Variants in SLC66A2 observed in about 807,000 individuals in gnomAD.
SLC66A2 encodes solute carrier family 66 member 2, also known as PQ loop repeat containing 1.
A neutral mutation model predicts 25.5 loss-of-function variants in SLC66A2; 23 were observed. That is an observed-to-expected ratio of 0.90 (90% CI 0.65 to 1.28). The LOEUF (loss-of-function observed/expected upper bound fraction) is 1.28. Ranked by LOEUF, SLC66A2 falls within the 50% of genes most tolerant of loss-of-function variation. The probability of loss-of-function intolerance (pLI) is 0.00; values close to 1 mark genes in which losing one functional copy is unlikely to be tolerated. For missense variants in SLC66A2, 396 were observed against 373.1 expected (o/e 1.06, Z -0.51); for synonymous variants, 193 against 166.5 (o/e 1.16, Z -1.23).
At chr18:79,913,698 C>T (rs558562655) in intron 5 of SLC66A2, among the ~76,000 whole-genome samples, 2 of 152,188 alleles carry the variant, frequency 1.3e-5, no homozygotes, top group African/African-American at 4.8e-5. Flanking sequence ...AGGGCTGCTA[C>T]GAGATCAACT....
intron 4 of SLC66A2, among the ~76,000 whole-genome samples, chr18:79,928,930 T>C (rs1423438706): frequency 6.6e-6 from 1 of 152,070 alleles, no homozygotes; most frequent in Non-Finnish European, 1.5e-5. Flanking sequence ...ACAACTCACT[T>C]CCCATGCAGC....
chr18:79,930,628 T>C (rs1457630774), intron 4 of SLC66A2, among the ~76,000 whole-genome samples: 1 of 152,206 alleles, frequency 6.6e-6, no homozygotes, highest in East Asian at 1.9e-4. Flanking sequence ...CATTGTATTG[T>C]TTGGGGGCCT....
intron 2 of SLC66A2, 140 bp downstream of exon 2, chr18:79,950,584 C>T: frequency 2.7e-6 from 2 of 744,992 alleles, no homozygotes; most frequent in South Asian, 3.4e-5. Flanking sequence ...CCTGCAGCCA[C>T]GTACCCCATC....
At chr18:79,938,163 A>G (rs1987296535) in intron 3 of SLC66A2, among the ~76,000 whole-genome samples, 1 of 151,486 alleles carries the variant, frequency 6.6e-6, no homozygotes, top group Admixed American at 6.6e-5. Flanking sequence ...AAAAAAAGAA[A>G]GAAAGAAAAA....
At chr18:79,951,281 G>C (rs1185178248) in intron 1 of SLC66A2, among the ~76,000 whole-genome samples, 2 of 151,534 alleles carry the variant, frequency 1.3e-5, no homozygotes, top group Non-Finnish European at 2.9e-5. Flanking sequence ...GCCCGGGTGC[G>C]CTTAGCCGGC....
In SLC66A2 at chr18:79,904,877, T is replaced by A. The variant is rs1981840678; in HGVS notation, c.609-694A>T. Among the ~76,000 whole-genome samples, 2 of 152,226 alleles carry A rather than the reference T, an allele frequency of 1.3e-5. No homozygotes were observed. Among genetic ancestry groups the A allele is most frequent in the South Asian group, 4.1e-4 (2 of 4,832 alleles). On this transcript the variant is annotated intron_variant, in intron 5 of 5. Transcript: ENST00000397778. The surrounding 1 kb of genome is among the most constrained non-coding windows in gnomAD (Gnocchi z 6.3). ...GTGAAATGTTTAAATCAGCGGCCGC[T>A]GACCCTTCCACAGCTCCTGAAGCCA... is the stretch of plus-strand genomic sequence containing the variant.
intron 5 of SLC66A2, among the ~76,000 whole-genome samples, chr18:79,908,582 T>G (rs920040513): frequency 1.3e-5 from 2 of 152,222 alleles, no homozygotes; most frequent in African/African-American, 2.4e-5. Context: ...TTTTCAGCCC[T>G]TATTTCTTCA....
intron 4 of SLC66A2, among the ~76,000 whole-genome samples, chr18:79,926,407 T>C (rs891486): frequency 0.75 from 113,692 of 152,080 alleles, 45,207 homozygotes; most frequent in Non-Finnish European, 0.88. Context: ...GGGACTGGGA[T>C]GGCTGGAGGG....
At chr18:79,907,988 T>C (rs1430102798) in intron 5 of SLC66A2, among the ~76,000 whole-genome samples, 8 of 152,284 alleles carry the variant, frequency 5.3e-5, no homozygotes, top group Non-Finnish European at 8.8e-5. Context: ...AATGCAGAAG[T>C]CTTAGCACCA....
At chr18:79,942,576 A>C (rs1340433724) in intron 3 of SLC66A2, among the ~76,000 whole-genome samples, 1 of 152,198 alleles carries the variant, frequency 6.6e-6, no homozygotes, top group Non-Finnish European at 1.5e-5. Context: ...GATAGCTGAG[A>C]TCACTCTCTC....
chr18:79,913,761 T>C (rs1162224595), intron 5 of SLC66A2, among the ~76,000 whole-genome samples: 3 of 152,134 alleles, frequency 2.0e-5, no homozygotes, highest in Non-Finnish European at 4.4e-5. Context: ...TTCGGTTTAA[T>C]GTGGAGCTGA....
chr18:79,908,561 A>C (rs1211853198), intron 5 of SLC66A2, among the ~76,000 whole-genome samples: 2 of 151,990 alleles, frequency 1.3e-5, no homozygotes, highest in African/African-American at 2.4e-5. Context: ...TCTTTCACCA[A>C]ATTTTGGGTG....
chr18:79,934,317 G>C (rs1986867817), intron 3 of SLC66A2, among the ~76,000 whole-genome samples: 2 of 152,164 alleles, frequency 1.3e-5, no homozygotes, highest in Admixed American at 1.3e-4. Context: ...TAATCTCTCG[G>C]GAGAAAGGCA....
intron 3 of SLC66A2, among the ~76,000 whole-genome samples, chr18:79,942,782 A>C (rs911025917): frequency 1.3e-5 from 2 of 152,250 alleles, no homozygotes; most frequent in African/African-American, 4.8e-5. Flanking sequence ...TTAAGGAGCC[A>C]TGTGTGCTAA....
At chr18:79,905,454 G>A (rs1030801661) in intron 5 of SLC66A2, among the ~76,000 whole-genome samples, 20 of 120 alleles carry the variant, frequency 0.17, no homozygotes, top group South Asian at 0.4. Context: ...CCCAGGCTTC[G>A]GAATTCCCCC....
chr18:79,928,372 G>T (rs779775442), intron 4 of SLC66A2, among the ~76,000 whole-genome samples: 2 of 152,192 alleles, frequency 1.3e-5, no homozygotes, highest in South Asian at 4.1e-4. Flanking sequence ...ACTCAAGAGC[G>T]TTGCTCTGCC....
intron 5 of SLC66A2, among the ~76,000 whole-genome samples, chr18:79,911,782 G>A (rs1029430452): frequency 1.0e-4 from 15 of 149,410 alleles, no homozygotes; most frequent in Admixed American, 3.3e-4. Context: ...CAGGAGCAGG[G>A]AGGAGACAGG....
intron 3 of SLC66A2, among the ~76,000 whole-genome samples, chr18:79,936,956 G>C (rs1987153770): frequency 6.6e-6 from 1 of 152,234 alleles, no homozygotes; most frequent in South Asian, 2.1e-4. Context: ...AGGGAGGCAT[G>C]AGGATGCCAC....
At chr18:79,905,427 C>T (rs1422357304) in intron 5 of SLC66A2, among the ~76,000 whole-genome samples, 4 of 147,446 alleles carry the variant, frequency 2.7e-5, no homozygotes, top group African/African-American at 1.0e-4. Context: ...CGGCCTCTCA[C>T]ACACCCCAGC....
Sources: allele counts gnomAD v4.1 joint callset (sites outside exome capture counted in the v4.1 genomes callset), GRCh38; gene constraint gnomAD v4.1.1; non-coding constraint Gnocchi (gnomAD v3.1); transcripts MANE v1.5; gene names NCBI Gene and HGNC (gene_info 2026-07-23, HGNC 2026-07-21).